MYO18B: variants seen among roughly 807,000 people sequenced by gnomAD.
The protein encoded by MYO18B is myosin XVIIIB.
Under a neutral mutation model 273.0 loss-of-function variants are expected in MYO18B, and 204 were observed. The ratio of observed to expected loss-of-function variants is 0.75; its 90% CI spans 0.67 to 0.84. The LOEUF is 0.84. MYO18B is among the 40% of genes least tolerant of loss of function. The pLI, the probability that MYO18B is intolerant of heterozygous loss-of-function variation, is 0.00. For missense variants in MYO18B, 3,212 were observed against 3,287.6 expected (o/e 0.98, Z 0.56); for synonymous variants, 1,330 against 1,305.7 (o/e 1.02, Z -0.40).
At chr22:25,868,591 A>C (rs928866123) in intron 22 of MYO18B, among the ~76,000 whole-genome samples, 5 of 152,158 alleles carry the variant, frequency 3.3e-5, no homozygotes, top group Non-Finnish European at 5.9e-5. Context: ...CACACTGGGA[A>C]ATATCATTTC....
intron 34 of MYO18B, among the ~76,000 whole-genome samples, chr22:25,940,008 CT>C (rs1178664727): frequency 6.6e-6 from 1 of 152,166 alleles, no homozygotes. Context: ...AGAGTAACAG[CT>C]CATGCTCATA....
At chr22:25,925,221 T>G (rs894671340) in intron 34 of MYO18B, among the ~76,000 whole-genome samples, 1 of 152,086 alleles carries the variant, frequency 6.6e-6, no homozygotes, top group Non-Finnish European at 1.5e-5. Context: ...ACTTCTGGAT[T>G]CTGCCCCCTC....
intron 10 of MYO18B, among the ~76,000 whole-genome samples, chr22:25,782,374 G>C (rs1008621512): frequency 2.6e-5 from 4 of 152,164 alleles, no homozygotes; most frequent in Non-Finnish European, 5.9e-5. Context: ...TTGGGTGTAT[G>C]GTAGGGTATG....
At chr22:25,744,386 G>A (rs1022783105) in intron 1 of MYO18B, among the ~76,000 whole-genome samples, 22 of 152,136 alleles carry the variant, frequency 1.4e-4, no homozygotes, top group African/African-American at 4.8e-4. Flanking sequence ...TGTCTGAATG[G>A]CCCATTTGAA....
At chr22:25,897,988 G>A in intron 28 of MYO18B, 1 of 243,768 alleles carries the variant, frequency 4.1e-6, no homozygotes, top group South Asian at 8.7e-5. Context: ...TGAGTTATCC[G>A]GTGGCTCAGG....
intron 17 of MYO18B, among the ~76,000 whole-genome samples, chr22:25,839,042 A>T (rs1024590295): frequency 2.0e-5 from 3 of 151,134 alleles, no homozygotes; most frequent in Non-Finnish European, 3.0e-5. Context: ...GTATGAGTGT[A>T]TACATGTGTG....
At chr22:25,946,963 C>T (rs1016003556) in intron 35 of MYO18B, among the ~76,000 whole-genome samples, 3 of 152,064 alleles carry the variant, frequency 2.0e-5, no homozygotes, top group African/African-American at 7.2e-5. Context: ...TTCCAAGTCC[C>T]CTATCTGGGT....
In MYO18B at chr22:25,768,196, G is replaced by A. The variant is rs759844976; in HGVS notation, c.280G>A (p.Asp94Asn). 3.2e-5 allele frequency: 51 copies of A among 1,613,774 alleles called. No individual in the cohort carries two copies. In the South Asian group the frequency reaches 5.1e-4, roughly 16 times the overall value. The change falls in exon 4 of 44, where the codon GAC (aspartate) becomes AAC (asparagine). Residue 94 changes from aspartate (D) to asparagine (N), a missense_variant. Asp to Asn is a conservative substitution (Grantham distance 23, BLOSUM62 1). Coordinates refer to ENST00000335473, the MANE Select transcript of MYO18B (RefSeq NM_032608.7). ...RSGSQQISQD[D>N]QSSSPGSSDI... ...TGGAAGCCAGCAGATCTCTCAGGAC[G>A]ACCAGTCAAGCTCTCCTGGGAGCTC... is the stretch of plus-strand genomic sequence containing the variant.
intron 33 of MYO18B, among the ~76,000 whole-genome samples, chr22:25,912,219 G>A (rs570441564): frequency 6.6e-6 from 1 of 152,150 alleles, no homozygotes; most frequent in Admixed American, 6.6e-5. Flanking sequence ...GAAGCTGAGG[G>A]AGTCAATATA....
At chr22:25,929,611 G>C (rs2092469830) in intron 34 of MYO18B, among the ~76,000 whole-genome samples, 1 of 152,112 alleles carries the variant, frequency 6.6e-6, no homozygotes, top group Admixed American at 6.5e-5. Flanking sequence ...TATGTTACTT[G>C]CTTTCTGTTA....
chr22:25,820,639 C>T (rs961323786), intron 12 of MYO18B, among the ~76,000 whole-genome samples: 1 of 152,110 alleles, frequency 6.6e-6, no homozygotes, highest in African/African-American at 2.4e-5. Context: ...TTAGTGTATC[C>T]ATCATCTTGA....
At chr22:25,777,481 G>A (rs1241563288) in intron 7 of MYO18B, 102 bp from the exon 8 acceptor site, 18 of 1,134,232 alleles carry the variant, frequency 1.6e-5, no homozygotes, top group Non-Finnish European at 1.9e-5. Flanking sequence ...TCTGGAGGCA[G>A]GGACACAGAT....
At chr22:25,817,035 A>G (rs1270696212) in intron 12 of MYO18B, among the ~76,000 whole-genome samples, 3 of 152,202 alleles carry the variant, frequency 2.0e-5, no homozygotes, top group Non-Finnish European at 4.4e-5. Context: ...AATTGATAGC[A>G]ATTGAACTCA....
At chr22:25,973,541 C>G (rs1353486391) in intron 39 of MYO18B, among the ~76,000 whole-genome samples, 3 of 152,054 alleles carry the variant, frequency 2.0e-5, no homozygotes, top group African/African-American at 7.2e-5. Context: ...ATATGAATAC[C>G]CTAGGATGGT....
chr22:25,839,695 C>T (rs927011805), intron 17 of MYO18B, among the ~76,000 whole-genome samples: 1 of 152,130 alleles, frequency 6.6e-6, no homozygotes, highest in East Asian at 1.9e-4. Flanking sequence ...CAAAGGGACC[C>T]CTGTCTCTAT....
intron 42 of MYO18B, among the ~76,000 whole-genome samples, chr22:26,017,183 TTCC>T (rs1326640724): frequency 1.3e-5 from 2 of 149,882 alleles, no homozygotes; most frequent in Non-Finnish European, 3.0e-5. Context: ...CCTTCCTTCC[TTCC>T]TTTTTCTTTC....
intron 25 of MYO18B, among the ~76,000 whole-genome samples, chr22:25,885,503 G>A (rs1195453386): frequency 1.3e-5 from 2 of 152,188 alleles, no homozygotes; most frequent in Non-Finnish European, 2.9e-5. Context: ...CAGAGGCGGA[G>A]AGCAGAACCT....
chr22:25,843,623 G>A (rs956452697), intron 17 of MYO18B, 112 bp from the exon 18 acceptor site: 72 of 1,123,064 alleles, frequency 6.4e-5, no homozygotes, highest in Non-Finnish European at 8.0e-5. Context: ...GACCATGAGC[G>A]TTAGCTATCT....
At chr22:26,033,912 C>CTTT (rs1182899940), downstream of MYO18B, among the ~76,000 whole-genome samples, 2 of 147,760 alleles carry the variant, frequency 1.4e-5, no homozygotes, top group African/African-American at 2.5e-5. Flanking sequence ...TCCCTTCCTT[C>CTTT]CTTCTTTCCT....
Sources: allele counts gnomAD v4.1 joint callset (sites outside exome capture counted in the v4.1 genomes callset), GRCh38; gene constraint gnomAD v4.1.1; transcripts MANE v1.5; gene names NCBI Gene and HGNC (gene_info 2026-07-23, HGNC 2026-07-21).